SERGEF: variants seen among roughly 807,000 people sequenced by gnomAD.
SERGEF encodes the protein secretion regulating guanine nucleotide exchange factor, also known as secretion-regulating guanine nucleotide exchange factor.
Under a neutral mutation model 50.0 loss-of-function variants are expected in SERGEF, and 51 were observed. The observed-to-expected ratio is 1.02, with a 90% CI of 0.81 to 1.29. The LOEUF is 1.29. SERGEF is among the 50% of genes most tolerant of loss of function. The pLI, the probability that SERGEF is intolerant of heterozygous loss-of-function variation, is 0.00. For missense variants in SERGEF, 521 were observed against 557.0 expected, an observed-to-expected ratio of 0.94 and a Z score of 0.65; for synonymous variants, 205 against 212.4, an observed-to-expected ratio of 0.97 and a Z score of 0.30.
chr11:17,881,324 T>C (rs1851328625), intron 9 of SERGEF, among the ~76,000 whole-genome samples: 2 of 152,176 alleles, frequency 1.3e-5, no homozygotes, highest in Non-Finnish European at 2.9e-5. Context: ...CATTGACAAA[T>C]GTCAGTATCA....
chr11:17,912,126 G>T (rs1349231309), intron 9 of SERGEF, among the ~76,000 whole-genome samples: 2 of 152,178 alleles, frequency 1.3e-5, no homozygotes, highest in African/African-American at 4.8e-5. Flanking sequence ...AAGAGCAGGG[G>T]CTAAGAACTG....
At chr11:17,839,729 C>G (rs139118851) in intron 10 of SERGEF, among the ~76,000 whole-genome samples, 2 of 152,206 alleles carry the variant, frequency 1.3e-5, no homozygotes, top group Non-Finnish European at 2.9e-5. Flanking sequence ...GCCAGCTGAT[C>G]AGAGGCTCCG....
chr11:17,796,180 G>T (rs1849569475), intron 10 of SERGEF, among the ~76,000 whole-genome samples: 1 of 152,124 alleles, frequency 6.6e-6, no homozygotes, highest in Non-Finnish European at 1.5e-5. Flanking sequence ...AAAAATAATA[G>T]TATTTCCAGG....
intron 9 of SERGEF, among the ~76,000 whole-genome samples, chr11:17,949,701 A>G (rs886529593): frequency 3.9e-5 from 6 of 152,198 alleles, no homozygotes; most frequent in Non-Finnish European, 7.3e-5. Context: ...CAACAGCCCA[A>G]CAAATTCCAG....
chr11:17,959,707 CA>C (rs1852957969), intron 8 of SERGEF, 71 bp from the exon 9 acceptor site: 2 of 1,353,952 alleles, frequency 1.5e-6, no homozygotes, highest in Non-Finnish European at 2.0e-6. Context: ...CAATGAATTA[CA>C]AGAGAAAGTG....
chr11:17,918,693 A>C (rs1852097794), intron 9 of SERGEF: 2 of 452,412 alleles, frequency 4.4e-6, no homozygotes, highest in African/African-American at 2.0e-5. Flanking sequence ...CTCTCCCCCT[A>C]CCTACTGGAA....
At chr11:17,824,126 C>T (rs1328750200) in intron 10 of SERGEF, among the ~76,000 whole-genome samples, 1 of 152,082 alleles carries the variant, frequency 6.6e-6, no homozygotes, top group African/African-American at 2.4e-5. Context: ...ACGGTGAAAC[C>T]CCGTCTCTAC....
At chr11:17,795,475 AAC>A (rs907674143) in intron 10 of SERGEF, among the ~76,000 whole-genome samples, 29 of 152,232 alleles carry the variant, frequency 1.9e-4, no homozygotes, top group African/African-American at 6.7e-4. Context: ...ATCAGGCAGA[AAC>A]ACAGCCTGGT....
chr11:17,913,819 T>C (rs1292502087), intron 9 of SERGEF, among the ~76,000 whole-genome samples: 2 of 152,096 alleles, frequency 1.3e-5, no homozygotes, highest in African/African-American at 4.8e-5. Context: ...GCAGCCCTTC[T>C]CTCCAACACC....
chr11:17,973,174 C>T lies in SERGEF; in HGVS notation c.845-13538G>A, dbSNP rs556588074. On this transcript the variant is annotated intron_variant, in intron 8 of 10. Transcript: ENST00000265965. ...GCCGCAGTTCCCAAGCACGCCTAAACCTGCAGAGGAGCTGCTTGAGTTCCC... is the reference window on the plus strand; with the variant it reads ...GCCGCAGTTCCCAAGCACGCCTAAATCTGCAGAGGAGCTGCTTGAGTTCCC... 2.0e-5 allele frequency among the ~76,000 whole-genome samples: 3 copies of T among 152,302 alleles called. No individual in the cohort carries two copies. The South Asian group carries it at 6.2e-4, about 32-fold the overall frequency.
intron 8 of SERGEF, among the ~76,000 whole-genome samples, chr11:17,986,251 CG>C (rs1342249172): frequency 1.3e-5 from 2 of 152,130 alleles, no homozygotes; most frequent in African/African-American, 4.8e-5. Flanking sequence ...GGCCAGAGCA[CG>C]GGCCTCCACT....
chr11:17,895,829 TA>T (rs1219149797), intron 9 of SERGEF, among the ~76,000 whole-genome samples: 5 of 152,230 alleles, frequency 3.3e-5, no homozygotes, highest in African/African-American at 1.2e-4. Context: ...AAAATATATA[TA>T]ATTTCAGAAA....
intron 3 of SERGEF, among the ~76,000 whole-genome samples, chr11:18,005,846 A>C (rs760449300): frequency 6.6e-6 from 1 of 152,196 alleles, no homozygotes; most frequent in Non-Finnish European, 1.5e-5. Context: ...ATTTAGAAAA[A>C]AAAAAATCCC....
rs141143730 is a variant in SERGEF, at chr11:17,823,458, G to C, written c.1049-35045C>G. Among the ~76,000 whole-genome samples, 167 of 152,280 alleles carry C rather than the reference G, an allele frequency of 1.1e-3. 2 individuals are homozygous for C. Among genetic ancestry groups the C allele is most frequent in the Admixed American group, 9.7e-3 (148 of 15,302 alleles). The stretch of plus-strand genomic sequence containing the variant: ...AAGTTAGGTGCTCCCAGGAGGAACA[G>C]TTTGGATGGAGCCTGAAAGAATAAT... On this transcript the variant is annotated intron_variant, in intron 10 of 10. Coordinates refer to ENST00000265965, the MANE Select transcript of SERGEF (RefSeq NM_012139.4).
intron 10 of SERGEF, among the ~76,000 whole-genome samples, chr11:17,830,791 C>T (rs1300061634): frequency 6.6e-6 from 1 of 152,118 alleles, no homozygotes; most frequent in Non-Finnish European, 1.5e-5. Flanking sequence ...CGTCCCACCT[C>T]TTAATGCTGT....
At position 17,788,360 on chromosome 11, in the gene SERGEF, T is replaced by C. The variant is rs776876445; in HGVS notation, c.1102A>G (p.Thr368Ala). 1 of 1,614,006 alleles carries C rather than the reference T, an allele frequency of 6.2e-7. No homozygotes were observed. The highest frequency in any genetic ancestry group is 8.5e-7 in the Non-Finnish European group (1 of 1,179,920). Residue 368 changes from threonine to alanine, a missense_variant, in exon 11 of 11, where the codon ACT becomes GCT. Coordinates refer to ENST00000265965, the MANE Select transcript of SERGEF (RefSeq NM_012139.4). ...WNEHGMCGDG[T>A]EANVWAPKPV... ...TTTGGGGCCCAGACGTTGGCTTCAG[T>C]GCCATCTCCGCACATGCCATGCTCA...
intron 9 of SERGEF, among the ~76,000 whole-genome samples, chr11:17,911,303 T>C (rs934774331): frequency 2.7e-5 from 4 of 147,058 alleles, no homozygotes; most frequent in Non-Finnish European, 4.5e-5. Context: ...TTTGTTTAAG[T>C]TTTATTGAGG....
At chr11:18,002,576 C>A (rs2134009816) in intron 4 of SERGEF, among the ~76,000 whole-genome samples, 1 of 152,300 alleles carries the variant, frequency 6.6e-6, no homozygotes, top group Non-Finnish European at 1.5e-5. Flanking sequence ...GACGGGTAAA[C>A]CTCTATTTAA....
intron 4 of SERGEF, 85 bp from the exon 5 acceptor site, chr11:18,000,642 C>T: frequency 1.1e-5 from 11 of 977,266 alleles, no homozygotes; most frequent in South Asian, 2.8e-5. Flanking sequence ...CAATGCAGTA[C>T]GGTCCTCATT....
Sources: allele counts gnomAD v4.1 joint callset (sites outside exome capture counted in the v4.1 genomes callset), GRCh38; gene constraint gnomAD v4.1.1; transcripts MANE v1.5; gene names NCBI Gene and HGNC (gene_info 2026-07-23, HGNC 2026-07-21).